UBE2G1: variants seen among roughly 807,000 people sequenced by gnomAD.
UBE2G1 encodes ubiquitin conjugating enzyme E2 G1.
In UBE2G1, 5 loss-of-function variants were observed where a neutral mutation model predicts 22.7. That is an observed-to-expected ratio of 0.22 (90% confidence interval 0.12 to 0.46). The LOEUF (loss-of-function observed/expected upper bound fraction) is 0.46, where lower values mean the gene tolerates loss of function less well. Among genes scored for constraint, UBE2G1 ranks in the 20% least tolerant of loss-of-function variants. UBE2G1 has a pLI of 0.99. For synonymous variants in UBE2G1, 74 were observed against 67.5 expected (o/e 1.10, Z -0.47); for missense variants, 88 against 203.9 (o/e 0.43, Z 3.46).
At chr17:4,317,227 C>A (rs1221480123) in intron 1 of UBE2G1, among the ~76,000 whole-genome samples, 2 of 152,104 alleles carry the variant, frequency 1.3e-5, no homozygotes, top group African/African-American at 4.8e-5. Flanking sequence ...GCGGGTGCCT[C>A]TAATCCCAGC....
intron 1 of UBE2G1, among the ~76,000 whole-genome samples, chr17:4,309,515 T>C (rs1409129923): frequency 3.3e-5 from 5 of 152,274 alleles, no homozygotes; most frequent in African/African-American, 1.2e-4. Context: ...ATTTTGTTTA[T>C]GCACGCATAT....
intron 1 of UBE2G1, among the ~76,000 whole-genome samples, chr17:4,332,822 TC>T (rs1183728938): frequency 1.3e-5 from 2 of 152,174 alleles, no homozygotes; most frequent in Non-Finnish European, 2.9e-5. Context: ...TCACCTGAGT[TC>T]CTCGGTCCAC....
intron 1 of UBE2G1, 81 bp downstream of exon 1, chr17:4,366,190 G>A (rs1970032838): frequency 7.7e-6 from 11 of 1,425,374 alleles, no homozygotes; most frequent in Non-Finnish European, 9.2e-6. Flanking sequence ...TACGGCCGCT[G>A]GCCCGGGAGG....
intron 1 of UBE2G1, among the ~76,000 whole-genome samples, chr17:4,326,932 T>A (rs1302731324): frequency 6.6e-6 from 1 of 152,038 alleles, no homozygotes; most frequent in African/African-American, 2.4e-5. Flanking sequence ...GAGGCCAAGG[T>A]GGGCAGATCA....
At chr17:4,329,264 T>C (rs1385869849) in intron 1 of UBE2G1, among the ~76,000 whole-genome samples, 1 of 151,644 alleles carries the variant, frequency 6.6e-6, no homozygotes, top group Non-Finnish European at 1.5e-5. Flanking sequence ...TCAGGCGTGG[T>C]GGAGTGTGCC....
chr17:4,359,518 T>C (rs1969943132), intron 1 of UBE2G1, among the ~76,000 whole-genome samples: 1 of 152,202 alleles, frequency 6.6e-6, no homozygotes. Context: ...TACAGTACAG[T>C]ATTTCTTCCA....
intron 3 of UBE2G1, among the ~76,000 whole-genome samples, chr17:4,291,414 C>T (rs1000655320): frequency 6.7e-6 from 1 of 149,652 alleles, no homozygotes; most frequent in African/African-American, 2.5e-5. Flanking sequence ...CAAAATTCAG[C>T]ATAAAAATTT....
intron 1 of UBE2G1, among the ~76,000 whole-genome samples, chr17:4,353,604 C>T (rs187027489): frequency 3.3e-5 from 5 of 151,452 alleles, no homozygotes; most frequent in East Asian, 3.9e-4. Context: ...TCTTGAACAC[C>T]TGGGTTCAAG....
At chr17:4,303,501 T>C (rs888787892) in intron 2 of UBE2G1, among the ~76,000 whole-genome samples, 3 of 152,172 alleles carry the variant, frequency 2.0e-5, no homozygotes, top group African/African-American at 7.2e-5. Flanking sequence ...TTTAAGTAAT[T>C]GTTCAAAGTC....
chr17:4,356,737 T>C lies in UBE2G1; in HGVS notation c.46+9534A>G, dbSNP rs539195876. Among the ~76,000 whole-genome samples the C allele has an allele frequency of 1.2e-4, 18 of 152,314 alleles. No homozygotes were observed. In the South Asian group the frequency reaches 3.3e-3, roughly 28 times the overall value. On this transcript the variant is annotated intron_variant, in intron 1 of 5. Coordinates refer to ENST00000396981, the MANE Select transcript of UBE2G1 (RefSeq NM_003342.5). ...ACAAAAAAATAAAATTAAGACGGAA[T>C]TTCTGTCTTAAACTACAGGTTTCTC...
At chr17:4,279,788 TATATATATATATATATATA>T (rs1567513674) in intron 5 of UBE2G1, among the ~76,000 whole-genome samples, 47 of 113,224 alleles carry the variant, frequency 4.2e-4, no homozygotes, top group African/African-American at 2.4e-3. Context: ...AAAAAAGTTA[TATATATATATATATATATA>T]TATATATATA....
At chr17:4,274,927 T>TGTAGTCCCAGCTACTCGAGACGCTGAG in intron 5 of UBE2G1, among the ~76,000 whole-genome samples, 1 of 151,926 alleles carries the variant, frequency 6.6e-6, no homozygotes, top group East Asian at 1.9e-4. Flanking sequence ...GGCACATGCC[T>TGTAGTCCCAGCTACTCGAGACGCTGAG]GTGGGAGGAC....
At chr17:4,329,133 A>C in intron 1 of UBE2G1, among the ~76,000 whole-genome samples, 1 of 136,238 alleles carries the variant, frequency 7.3e-6, no homozygotes, top group Non-Finnish European at 1.6e-5. Flanking sequence ...AAAAAAAAAG[A>C]CACTTCTGTA....
At chr17:4,348,738 A>G (rs1032658921) in intron 1 of UBE2G1, among the ~76,000 whole-genome samples, 9 of 149,542 alleles carry the variant, frequency 6.0e-5, no homozygotes, top group Non-Finnish European at 8.9e-5. Flanking sequence ...GCATGTGCCT[A>G]TAATTCCAGG....
intron 1 of UBE2G1, among the ~76,000 whole-genome samples, chr17:4,310,216 C>A (rs1473551581): frequency 2.0e-5 from 3 of 152,168 alleles, no homozygotes; most frequent in Non-Finnish European, 4.4e-5. Flanking sequence ...ATCAAATAAT[C>A]TTTTGGCTTC....
At chr17:4,340,467 G>A (rs562368891) in intron 1 of UBE2G1, among the ~76,000 whole-genome samples, 14 of 152,208 alleles carry the variant, frequency 9.2e-5, no homozygotes, top group African/African-American at 2.6e-4. Flanking sequence ...CATGTTGAGG[G>A]AGGGACCTCA....
intron 3 of UBE2G1, among the ~76,000 whole-genome samples, chr17:4,294,184 G>A (rs1946297989): frequency 6.6e-6 from 1 of 152,154 alleles, no homozygotes; most frequent in African/African-American, 2.4e-5. Flanking sequence ...GGGAGGCTGA[G>A]GCAGACAGAT....
intron 5 of UBE2G1, among the ~76,000 whole-genome samples, chr17:4,280,859 T>C (rs1336112615): frequency 2.6e-5 from 4 of 152,074 alleles, no homozygotes; most frequent in African/African-American, 9.7e-5. Context: ...GGTCTTGAAC[T>C]CCTGACCTTG....
At chr17:4,317,165 A>G (rs1178118957) in intron 1 of UBE2G1, among the ~76,000 whole-genome samples, 4 of 151,940 alleles carry the variant, frequency 2.6e-5, no homozygotes, top group Non-Finnish European at 5.9e-5. Context: ...GCCTGGCCAG[A>G]ATGGTGAAAC....
Sources: gnomAD v4.1 joint callset for allele counts (sites outside exome capture counted in the v4.1 genomes callset) on GRCh38, gnomAD v4.1.1 for gene constraint, MANE v1.5 for transcripts, NCBI Gene and HGNC (gene_info 2026-07-23, HGNC 2026-07-21) for gene names.